The following SPEF2 variants were observed in gnomAD, a reference collection of about 807,000 sequenced individuals.
SPEF2 encodes the protein sperm flagellar and cilia associated 2.
In SPEF2, 187 loss-of-function variants were observed where a neutral mutation model predicts 224.6. That is an observed-to-expected ratio of 0.83 (90% CI 0.74 to 0.94). SPEF2 has a LOEUF of 0.94. Ranked by LOEUF, SPEF2 falls within the 40% of genes least tolerant of loss-of-function variation. The pLI, the probability that SPEF2 is intolerant of heterozygous loss-of-function variation, is 0.00. For synonymous variants in SPEF2, 715 were observed against 707.3 expected, an observed-to-expected ratio of 1.01 and a Z score of -0.17; for missense variants, 2,170 against 2,135.6, an observed-to-expected ratio of 1.02 and a Z score of -0.32.
In SPEF2 at chr5:35,753,956, A is replaced by G. The variant is rs1326874753; in HGVS notation, c.3468+195A>G. On this transcript the variant is annotated intron_variant, in intron 24 of 36. Coordinates refer to ENST00000356031, the MANE Select transcript of SPEF2 (RefSeq NM_024867.4). ...ACATTTTGACCCAGCCCAAATATGC[A>G]CCCAAATTGGAAGCATCCCAAGCAA... Among the ~76,000 whole-genome samples, 4 of 152,238 alleles carry G rather than the reference A, an allele frequency of 2.6e-5. No individual in the cohort carries two copies. In the East Asian group the frequency reaches 7.7e-4, roughly 29 times the overall value.
intron 30 of SPEF2, among the ~76,000 whole-genome samples, chr5:35,786,497 T>C (rs1755146038): frequency 6.6e-6 from 1 of 152,036 alleles, no homozygotes; most frequent in African/African-American, 2.4e-5. Flanking sequence ...CCGTCTCTAA[T>C]AAAAATACAA....
chr5:35,707,777 ACT>A (rs765920827), intron 18 of SPEF2, among the ~76,000 whole-genome samples: 113 of 151,982 alleles, frequency 7.4e-4, no homozygotes, highest in Non-Finnish European at 1.3e-3. Flanking sequence ...TGACTGGAAC[ACT>A]CTTTCACCAG....
At chr5:35,624,964 A>G (rs1744033393) in intron 1 of SPEF2, among the ~76,000 whole-genome samples, 1 of 152,148 alleles carries the variant, frequency 6.6e-6, no homozygotes, top group Non-Finnish European at 1.5e-5. Context: ...GTTTTAGTGT[A>G]TCAGTCCTAG....
intron 5 of SPEF2, 99 bp downstream of exon 5, chr5:35,646,906 C>T (rs978731918): frequency 3.4e-5 from 44 of 1,310,612 alleles, no homozygotes; most frequent in Non-Finnish European, 1.7e-5. Flanking sequence ...TTCACATTTG[C>T]TTTCCAAATT....
rs546547705 is a variant in SPEF2, at chr5:35,733,530, G to C, written c.3063+5707G>C. On this transcript the variant is annotated intron_variant, in intron 21 of 36. Coordinates refer to ENST00000356031, the MANE Select transcript of SPEF2 (RefSeq NM_024867.4). The stretch of plus-strand genomic sequence containing the variant: ...TTTAAAGTATGAGTTCATTGGGTAG[G>C]GAATATTATAGGAAGAGAGAATCTC... 7.0e-4 allele frequency among the ~76,000 whole-genome samples: 107 copies of C among 152,246 alleles called. No individual in the cohort carries two copies. In the South Asian group the frequency reaches 7.0e-3, roughly 10 times the overall value.
At chr5:35,637,632 T>C (rs1360849945) in intron 2 of SPEF2, among the ~76,000 whole-genome samples, 2 of 152,216 alleles carry the variant, frequency 1.3e-5, no homozygotes, top group Non-Finnish European at 2.9e-5. Context: ...CCTTTTTTGC[T>C]AATCCCATCT....
intron 10 of SPEF2, among the ~76,000 whole-genome samples, chr5:35,674,911 C>T (rs746517836): frequency 6.6e-6 from 1 of 152,096 alleles, no homozygotes; most frequent in Non-Finnish European, 1.5e-5. Flanking sequence ...CATGAAGTTG[C>T]TTGTTTTATG....
At chr5:35,661,786 A>G (rs918600644) in intron 8 of SPEF2, among the ~76,000 whole-genome samples, 1 of 152,142 alleles carries the variant, frequency 6.6e-6, no homozygotes, top group Non-Finnish European at 1.5e-5. Context: ...ATATTATTCC[A>G]TGGTGTATAT....
chr5:35,681,684 A>G lies in SPEF2; in HGVS notation c.1525-9353A>G, dbSNP rs1160800578. 2.0e-5 allele frequency among the ~76,000 whole-genome samples: 3 copies of G among 152,374 alleles called. No individual in the cohort carries two copies. In the East Asian group the frequency reaches 5.8e-4, roughly 29 times the overall value. ...AAGCATATCACAAGTAGTGATGATA[A>G]GGATTTCATAAATTTTTTTTGTGCA... On this transcript the variant is annotated intron_variant, in intron 10 of 36. Coordinates refer to ENST00000356031, the MANE Select transcript of SPEF2 (RefSeq NM_024867.4).
intron 32 of SPEF2, among the ~76,000 whole-genome samples, chr5:35,793,755 C>G (rs1400479382): frequency 7.7e-6 from 1 of 129,992 alleles, no homozygotes; most frequent in Admixed American, 8.7e-5. Flanking sequence ...CACACACACA[C>G]ACACACACAC....
chr5:35,651,624 CT>C (rs929790111), intron 6 of SPEF2, among the ~76,000 whole-genome samples: 1 of 152,174 alleles, frequency 6.6e-6, no homozygotes, highest in African/African-American at 2.4e-5. Flanking sequence ...TTAATCACTA[CT>C]TTTTTTAGTT....
chr5:35,721,550 C>T (rs1743663382), intron 20 of SPEF2, among the ~76,000 whole-genome samples: 1 of 152,158 alleles, frequency 6.6e-6, no homozygotes, highest in Non-Finnish European at 1.5e-5. Context: ...ACTTAGCAAA[C>T]CTTGCATCTG....
chr5:35,732,236 A>T (rs1387387791), intron 21 of SPEF2, among the ~76,000 whole-genome samples: 2 of 152,162 alleles, frequency 1.3e-5, no homozygotes, highest in African/African-American at 4.8e-5. Context: ...TTTCTTCATG[A>T]AATCATTGTA....
intron 10 of SPEF2, chr5:35,671,146 G>A (rs995654558): frequency 6.2e-5 from 61 of 985,228 alleles, no homozygotes; most frequent in South Asian, 9.4e-5. Flanking sequence ...AAAAATCTAT[G>A]AAAAGATTAT....
At chr5:35,729,707 G>T (rs1054748919) in intron 21 of SPEF2, among the ~76,000 whole-genome samples, 5 of 152,058 alleles carry the variant, frequency 3.3e-5, no homozygotes, top group African/African-American at 1.2e-4. Context: ...AACTTGAATT[G>T]TGTCTCCCAG....
At chr5:35,756,861 A>C (rs1416215507) in intron 24 of SPEF2, among the ~76,000 whole-genome samples, 1 of 151,950 alleles carries the variant, frequency 6.6e-6, no homozygotes, top group Non-Finnish European at 1.5e-5. Context: ...TCCTTTTTCT[A>C]TTTCTATTTC....
At chr5:35,745,403 G>A (rs763767089) in intron 23 of SPEF2, among the ~76,000 whole-genome samples, 7 of 152,150 alleles carry the variant, frequency 4.6e-5, no homozygotes, top group African/African-American at 1.7e-4. Context: ...TTCACAGCTC[G>A]GAGGTGGGTA....
intron 15 of SPEF2, 38 bp downstream of exon 15, chr5:35,697,831 A>G (rs1334916301): frequency 2.1e-6 from 3 of 1,428,344 alleles, no homozygotes; most frequent in African/African-American, 2.8e-5. Context: ...TCTATTTAAT[A>G]TATTCTTTAT....
chr5:35,793,963 G>A (rs1018043099), intron 32 of SPEF2, among the ~76,000 whole-genome samples: 1 of 152,206 alleles, frequency 6.6e-6, no homozygotes, highest in African/African-American at 2.4e-5. Flanking sequence ...GATCACTCAA[G>A]GAAAGTAATG....
Sources: gnomAD v4.1 joint callset for allele counts (sites outside exome capture counted in the v4.1 genomes callset) on GRCh38, gnomAD v4.1.1 for gene constraint, MANE v1.5 for transcripts, NCBI Gene and HGNC (gene_info 2026-07-23, HGNC 2026-07-21) for gene names.